Variants in PCDHGA12 observed in about 807,000 individuals in gnomAD.
PCDHGA12 encodes protocadherin gamma subfamily A, 12, also known as protocadherin gamma-A12.
In PCDHGA12, 43 loss-of-function variants were observed where a neutral mutation model predicts 61.1. The ratio of observed to expected loss-of-function variants is 0.70; its 90% CI spans 0.55 to 0.91. The LOEUF is 0.91. Ranked by LOEUF, PCDHGA12 falls within the 40% of genes least tolerant of loss-of-function variation. PCDHGA12 has a pLI of 0.00. For missense variants in PCDHGA12, 1,236 were observed against 1,227.7 expected (o/e 1.01, Z -0.10); for synonymous variants, 520 against 542.9 (o/e 0.96, Z 0.59).
chr5:141,487,577 C>A lies in PCDHGA12; in HGVS notation c.2425-7230C>A. 1.2e-6 allele frequency: 2 copies of A among 1,614,150 alleles called. No individual in the cohort carries two copies. Among genetic ancestry groups the A allele is most frequent in the Non-Finnish European group, 1.7e-6 (2 of 1,180,024 alleles). ...ACCTATGGCAGGGGAGCCTGTTCGC[C>A]CAAGCTGCCCACCCTCTGATCTTCT... On this transcript the variant is annotated intron_variant, in intron 1 of 3. Coordinates refer to ENST00000252085, the MANE Select transcript of PCDHGA12 (RefSeq NM_003735.3). The surrounding 1 kb of genome is among the most constrained non-coding windows in gnomAD (Gnocchi z 5.0).
rs143362044 is a variant in PCDHGA12, at chr5:141,511,092, C to T, written c.2718C>T (p.Asn906=). The T allele has an allele frequency of 4.5e-5, 73 of 1,614,088 alleles. No homozygotes were observed. Among genetic ancestry groups the T allele is most frequent in the Admixed American group, 1.5e-4 (9 of 60,012 alleles). ...YIPGSNATLT[N]AAGKRDGKAP... is the part of the protein sequence containing the mutation. ...CAGGCAGCAATGCCACACTGACCAA[C>T]GCAGCTGGCAAGCGGGATGGCAAGG... The change falls in exon 4 of 4, where the codon AAC becomes AAT. Residue 906 remains asparagine, a synonymous_variant. Coordinates refer to ENST00000252085, the MANE Select transcript of PCDHGA12 (RefSeq NM_003735.3).
chr5:141,447,824 G>T (rs926580893), intron 1 of PCDHGA12, among the ~76,000 whole-genome samples: 2 of 152,034 alleles, frequency 1.3e-5, no homozygotes, highest in Non-Finnish European at 2.9e-5. Context: ...GGTGGCTCAC[G>T]CCTGTAATCC....
intron 1 of PCDHGA12, among the ~76,000 whole-genome samples, chr5:141,452,761 G>A (rs1291983570): frequency 6.6e-6 from 1 of 152,036 alleles, no homozygotes; most frequent in East Asian, 1.9e-4. Flanking sequence ...AGGAAGGGAG[G>A]GAGGGAAAAC....
rs979237199 is a variant in PCDHGA12, at chr5:141,477,828, G to C, written c.2425-16979G>C. On this transcript the variant is annotated intron_variant, in intron 1 of 3. Transcript: ENST00000252085. This position sits in a 1 kb window ranked among gnomAD's most constrained non-coding sequence, Gnocchi z 4.9. Reference sequence around the variant, plus strand: ...AATGCCCCCCAGGTCCTATATCCTCGGCCAGGTGGGAGCTCGGTGGAGATG... The same window carrying C: ...AATGCCCCCCAGGTCCTATATCCTCCGCCAGGTGGGAGCTCGGTGGAGATG... The C allele has an allele frequency of 3.7e-6, 6 of 1,614,082 alleles. No individual in the cohort carries two copies. The highest frequency in any genetic ancestry group is 3.4e-6 in the Non-Finnish European group (4 of 1,180,006).
At chr5:141,500,278 G>A (rs1338703900) in intron 2 of PCDHGA12, among the ~76,000 whole-genome samples, 2 of 150,508 alleles carry the variant, frequency 1.3e-5, no homozygotes, top group East Asian at 2.0e-4. Context: ...GCGCAATCTC[G>A]GCTCACTGCA....
chr5:141,486,816 C>G lies in PCDHGA12; in HGVS notation c.2425-7991C>G. The G allele has an allele frequency of 6.2e-7, 1 of 1,614,252 alleles. No individual in the cohort carries two copies. Among genetic ancestry groups the G allele is most frequent in the East Asian group, 2.2e-5 (1 of 44,884 alleles). ...CGGGGCAACCCACCCCTTAGCAGCACTGTAACAGTTCGTCTATTTGTGCTG... is the reference window on the plus strand; with the variant it reads ...CGGGGCAACCCACCCCTTAGCAGCAGTGTAACAGTTCGTCTATTTGTGCTG... On this transcript the variant is annotated intron_variant, in intron 1 of 3. Coordinates refer to ENST00000252085, the MANE Select transcript of PCDHGA12 (RefSeq NM_003735.3). The surrounding 1 kb of genome is among the most constrained non-coding windows in gnomAD (Gnocchi z 5.0).
intron 1 of PCDHGA12, among the ~76,000 whole-genome samples, chr5:141,443,085 G>A (rs991288098): frequency 3.9e-5 from 6 of 151,916 alleles, no homozygotes; most frequent in Admixed American, 2.6e-4. Flanking sequence ...GAGTGTTCCA[G>A]TCTCCTTCTC....
intron 3 of PCDHGA12, 43 bp downstream of exon 3, chr5:141,505,524 G>A: frequency 6.2e-7 from 1 of 1,612,712 alleles, no homozygotes; most frequent in Non-Finnish European, 8.5e-7. Context: ...GGAGACCTGG[G>A]GTTCTGGGGT....
chr5:141,436,080 T>C (rs755968267), intron 1 of PCDHGA12, among the ~76,000 whole-genome samples: 1 of 152,204 alleles, frequency 6.6e-6, no homozygotes, highest in Admixed American at 6.5e-5. Context: ...CAGTGTTCTA[T>C]AGGTAATATT....
chr5:141,449,569 A>G (rs1340921687), intron 1 of PCDHGA12, among the ~76,000 whole-genome samples: 2 of 148,390 alleles, frequency 1.3e-5, no homozygotes, highest in East Asian at 3.9e-4. Flanking sequence ...AGCCTGGGCG[A>G]CAGAGCAAGA....
chr5:141,432,870 T>C lies in PCDHGA12; in HGVS notation c.2111T>C (p.Phe704Ser), dbSNP rs1022024380. Reference protein sequence around the residue: ...VVAVAAVSCVFLAFVILLLAL... With the variant: ...VVAVAAVSCVSLAFVILLLAL... The stretch of plus-strand genomic sequence containing the variant: ...GCGGTGGCCGCGGTCTCCTGCGTCT[T>C]CCTGGCCTTCGTCATCTTGCTGCTG... Residue 704 changes from phenylalanine to serine, a missense_variant, in exon 1 of 4, where the codon TTC (phenylalanine) becomes TCC (serine). Transcript: ENST00000252085. This position sits in a 1 kb window ranked among gnomAD's most constrained non-coding sequence, Gnocchi z 6.0. The C allele has an allele frequency of 1.9e-6, 3 of 1,614,030 alleles. No homozygotes were observed. In the African/African-American group the frequency reaches 4.0e-5, roughly 22 times the overall value.
chr5:141,466,992 A>ATTT (rs985433044), intron 1 of PCDHGA12, among the ~76,000 whole-genome samples: 1 of 148,706 alleles, frequency 6.7e-6, no homozygotes, highest in African/African-American at 2.5e-5. Flanking sequence ...ACCTTTTGGC[A>ATTT]TTTTTTTGCA....
intron 1 of PCDHGA12, among the ~76,000 whole-genome samples, chr5:141,453,049 G>C (rs1287375098): frequency 1.3e-5 from 2 of 152,222 alleles, no homozygotes; most frequent in East Asian, 3.9e-4. Context: ...TCTATTATGT[G>C]CAGTTTTAGA....
intron 1 of PCDHGA12, among the ~76,000 whole-genome samples, chr5:141,494,399 T>A (rs2099754028): frequency 6.6e-6 from 1 of 152,146 alleles, no homozygotes; most frequent in South Asian, 2.1e-4. Context: ...ATAAATTCAT[T>A]CTAGGGCTGG....
intron 1 of PCDHGA12, chr5:141,478,902 GCTGCTGGATAC>G: frequency 1.0e-6 from 1 of 978,788 alleles, no homozygotes. Context: ...TTAGGAATAA[GCTGCTGGATAC>G]CTCTAACCAG....
chr5:141,447,851 C>T (rs961725006), intron 1 of PCDHGA12, among the ~76,000 whole-genome samples: 1 of 151,980 alleles, frequency 6.6e-6, no homozygotes, highest in East Asian at 1.9e-4. Flanking sequence ...TTTGGGAGGC[C>T]GAGGTGGGTG....
intron 2 of PCDHGA12, among the ~76,000 whole-genome samples, chr5:141,500,779 T>C (rs1222392685): frequency 1.3e-5 from 2 of 152,238 alleles, no homozygotes; most frequent in Non-Finnish European, 2.9e-5. Context: ...TGAATATACA[T>C]ATTATTTTAC....
intron 2 of PCDHGA12, among the ~76,000 whole-genome samples, chr5:141,501,838 G>C (rs888418141): frequency 6.6e-6 from 1 of 152,000 alleles, no homozygotes; most frequent in African/African-American, 2.4e-5. Flanking sequence ...CACCTGTTTG[G>C]CCCTCAACCT....
Position 141,491,756 on chromosome 5 carries a change from C to T in PCDHGA12, c.2425-3051C>T. The T allele has an allele frequency of 1.3e-6, 2 of 1,581,720 alleles. No individual in the cohort carries two copies. Among genetic ancestry groups the T allele is most frequent in the Non-Finnish European group, 8.6e-7 (1 of 1,165,100 alleles). ...CCTGGGGGCGGCACTGGAGAAGCCG[C>T]CCGTCCTCATAAGGGATTGAACTTG... On this transcript the variant is annotated intron_variant, in intron 1 of 3. Coordinates refer to ENST00000252085, the MANE Select transcript of PCDHGA12 (RefSeq NM_003735.3). This position sits in a 1 kb window ranked among gnomAD's most constrained non-coding sequence, Gnocchi z 6.9.
Sources: allele counts gnomAD v4.1 joint callset (sites outside exome capture counted in the v4.1 genomes callset), GRCh38; gene constraint gnomAD v4.1.1; non-coding constraint Gnocchi (gnomAD v3.1); transcripts MANE v1.5; gene names NCBI Gene and HGNC (gene_info 2026-07-23, HGNC 2026-07-21).